The following TIAM2 variants were observed in gnomAD, a reference collection of about 807,000 sequenced individuals.
TIAM2 encodes rho guanine nucleotide exchange factor TIAM2.
Under a neutral mutation model 152.9 loss-of-function variants are expected in TIAM2, and 80 were observed. That is an observed-to-expected ratio of 0.52 (90% CI 0.44 to 0.63). The LOEUF is 0.63. Among genes scored for constraint, TIAM2 ranks in the 30% least tolerant of loss-of-function variants. The probability of loss-of-function intolerance (pLI) is 0.00; values close to 1 mark genes in which losing one functional copy is unlikely to be tolerated. For synonymous variants in TIAM2, 804 were observed against 838.0 expected (o/e 0.96, Z 0.70); for missense variants, 1,965 against 2,120.1 (o/e 0.93, Z 1.44).
At chr6:155,172,690 T>G (rs1448283393) in intron 9 of TIAM2, among the ~76,000 whole-genome samples, 2 of 29,658 alleles carry the variant, frequency 6.7e-5, no homozygotes, top group Non-Finnish European at 1.1e-4. Flanking sequence ...ATATATATTT[T>G]TTTTTTTTTT....
chr6:155,006,220 G>C (rs1359247212), intron 1 of TIAM2, among the ~76,000 whole-genome samples: 1 of 152,154 alleles, frequency 6.6e-6, no homozygotes, highest in African/African-American at 2.4e-5. Flanking sequence ...CTGACGTTGA[G>C]GTCAGTGGGG....
chr6:155,071,350 G>A (rs1777833609), intron 1 of TIAM2, among the ~76,000 whole-genome samples: 1 of 152,182 alleles, frequency 6.6e-6, no homozygotes, highest in South Asian at 2.1e-4. Flanking sequence ...GGAAGAAAGC[G>A]GAAGCAGCAT....
At chr6:155,070,759 G>T (rs1343955536) in intron 1 of TIAM2, among the ~76,000 whole-genome samples, 1 of 152,162 alleles carries the variant, frequency 6.6e-6, no homozygotes, top group Non-Finnish European at 1.5e-5. Context: ...GAAATTTATG[G>T]TAGGATGGTG....
At chr6:155,146,165 C>T (rs761593072) in intron 6 of TIAM2, among the ~76,000 whole-genome samples, 2 of 151,880 alleles carry the variant, frequency 1.3e-5, no homozygotes, top group Non-Finnish European at 2.9e-5. Context: ...TGGCTTGTGG[C>T]GAGGAGTTTG....
intron 7 of TIAM2, among the ~76,000 whole-genome samples, chr6:155,149,953 A>G (rs1158414897): frequency 1.3e-5 from 2 of 152,090 alleles, no homozygotes; most frequent in Non-Finnish European, 2.9e-5. Flanking sequence ...TGAGTAGGAA[A>G]AAATTTCTGT....
At chr6:155,073,354 G>C (rs1777884521) in intron 1 of TIAM2, among the ~76,000 whole-genome samples, 1 of 151,728 alleles carries the variant, frequency 6.6e-6, no homozygotes. Context: ...GTGGAGATGG[G>C]GTTTCACCAT....
chr6:154,995,551 C>T lies in TIAM2; in HGVS notation c.-209+59C>T, dbSNP rs1778197788. ...GACGACCCGCGCTGGTTGGCGGCGGCTCCAGGTCCCCTGCGGGCGGGGCGG... is the reference window on the plus strand; with the variant it reads ...GACGACCCGCGCTGGTTGGCGGCGGTTCCAGGTCCCCTGCGGGCGGGGCGG... On this transcript the variant is annotated intron_variant, in intron 1 of 26. Transcript: ENST00000682666. The surrounding 1 kb of genome is among the most constrained non-coding windows in gnomAD (Gnocchi z 5.2). The T allele has an allele frequency of 1.3e-5, 2 of 150,238 alleles. No individual in the cohort carries two copies. Among genetic ancestry groups the T allele is most frequent in the Non-Finnish European group, 1.5e-5 (1 of 67,422 alleles). The allele number at this position is 150,238 out of a possible 1,614,324, so 9.3% of individuals were successfully genotyped here. A position where few individuals can be genotyped will look rare whatever the true frequency, so the allele number is the denominator to read the frequency against.
chr6:155,012,904 T>C (rs1778513454), intron 1 of TIAM2, among the ~76,000 whole-genome samples: 1 of 152,230 alleles, frequency 6.6e-6, no homozygotes, highest in Non-Finnish European at 1.5e-5. Flanking sequence ...TCTTACAATG[T>C]AGCATTAGAA....
chr6:155,125,407 A>T (rs1459534820), intron 2 of TIAM2, among the ~76,000 whole-genome samples: 1 of 152,222 alleles, frequency 6.6e-6, no homozygotes, highest in African/African-American at 2.4e-5. Flanking sequence ...GCTTATGTCC[A>T]TTAGGATAAC....
At chr6:155,181,378 C>T (rs578014374) in intron 12 of TIAM2, among the ~76,000 whole-genome samples, 2 of 152,282 alleles carry the variant, frequency 1.3e-5, no homozygotes, top group South Asian at 4.1e-4. Flanking sequence ...AGTTGTTTCT[C>T]AACAATTATT....
chr6:155,239,989 CTG>C (rs1782952878), intron 15 of TIAM2, among the ~76,000 whole-genome samples: 1 of 152,226 alleles, frequency 6.6e-6, no homozygotes. Flanking sequence ...TGCCACAAGA[CTG>C]TGGAGCTGAG....
intron 1 of TIAM2, among the ~76,000 whole-genome samples, chr6:155,003,773 C>T (rs141606470): frequency 2.0e-5 from 3 of 152,292 alleles, no homozygotes; most frequent in East Asian, 1.9e-4. Context: ...GCAGCTGCCA[C>T]GGTGGGGCAG....
At chr6:155,048,385 G>A (rs1301756493) in intron 1 of TIAM2, among the ~76,000 whole-genome samples, 1 of 152,148 alleles carries the variant, frequency 6.6e-6, no homozygotes, top group Non-Finnish European at 1.5e-5. Flanking sequence ...GAGCCACCAC[G>A]CCTGGCCAAG....
chr6:155,242,550 A>G (rs1056636389), intron 16 of TIAM2, among the ~76,000 whole-genome samples: 3 of 152,164 alleles, frequency 2.0e-5, no homozygotes, highest in African/African-American at 7.2e-5. Flanking sequence ...CTAAGGCCAG[A>G]AAGTTCTGGG....
intron 2 of TIAM2, among the ~76,000 whole-genome samples, chr6:155,091,526 ATTT>A: frequency 6.6e-6 from 1 of 152,304 alleles, no homozygotes; most frequent in African/African-American, 2.4e-5. Flanking sequence ...CTGTTTAAAC[ATTT>A]TTTTGAAATG....
At chr6:155,251,826 T>G in intron 22 of TIAM2, 119 bp from the exon 23 acceptor site, 1 of 747,046 alleles carries the variant, frequency 1.3e-6, no homozygotes. Context: ...GTTGGCAGAG[T>G]GAGGTCTTAG....
In TIAM2 at chr6:155,130,094, A is replaced by G; in HGVS notation, c.871A>G (p.Asn291Asp). The G allele has an allele frequency of 6.2e-7, 1 of 1,614,074 alleles. No homozygotes were observed. Among genetic ancestry groups the G allele is most frequent in the Non-Finnish European group, 8.5e-7 (1 of 1,180,022 alleles). The change falls in exon 4 of 27, where the codon AAC becomes GAC. Residue 291 changes from asparagine to aspartate, a missense_variant. By Grantham distance (23) the Asn-to-Asp change is conservative. Coordinates refer to ENST00000682666, the MANE Select transcript of TIAM2 (RefSeq NM_012454.4). Reference protein sequence around the residue: ...FPPGDAKKPFNQSSSLSSLRE... With the variant: ...FPPGDAKKPFDQSSSLSSLRE... The stretch of plus-strand genomic sequence containing the variant: ...ACCTGGCGATGCCAAAAAGCCTTTC[A>G]ACCAAAGCTCTTCCCTCTCCTCCCT...
chr6:155,183,991 A>G (rs748608612), intron 14 of TIAM2, among the ~76,000 whole-genome samples: 18 of 151,898 alleles, frequency 1.2e-4, no homozygotes, highest in Non-Finnish European at 2.5e-4. Context: ...ATTTATTTTT[A>G]TTTTTATTTT....
chr6:155,207,896 C>G (rs138301700), intron 14 of TIAM2, among the ~76,000 whole-genome samples: 72 of 152,278 alleles, frequency 4.7e-4, no homozygotes, highest in African/African-American at 1.5e-3. Flanking sequence ...TGTTTAAGTT[C>G]CAAAATCTTT....
Sources: allele counts gnomAD v4.1 joint callset (sites outside exome capture counted in the v4.1 genomes callset), GRCh38; gene constraint gnomAD v4.1.1; non-coding constraint Gnocchi (gnomAD v3.1); transcripts MANE v1.5; gene names NCBI Gene and HGNC (gene_info 2026-07-23, HGNC 2026-07-21).